LRCH3: variants seen among roughly 807,000 people sequenced by gnomAD.
LRCH3 encodes the protein DISP complex protein LRCH3.
Under a neutral mutation model 104.5 loss-of-function variants are expected in LRCH3, and 68 were observed. The observed-to-expected ratio is 0.65, with a 90% CI of 0.54 to 0.80. LRCH3 has a LOEUF of 0.80. Ranked by LOEUF, LRCH3 falls within the 30% of genes least tolerant of loss-of-function variation. The pLI, the probability that LRCH3 is intolerant of heterozygous loss-of-function variation, is 0.00. For synonymous variants in LRCH3, 344 were observed against 361.3 expected (o/e 0.95, Z 0.54); for missense variants, 951 against 953.9 (o/e 1.00, Z 0.04).
At position 197,854,395 on chromosome 3, in the gene LRCH3, C is replaced by G; in HGVS notation, c.1594C>G (p.Pro532Ala). The change falls in exon 14 of 21, where the codon CCC becomes GCC. Residue 532 changes from proline (P) to alanine (A), a missense_variant. Pro to Ala is a conservative substitution (Grantham distance 27). Transcript: ENST00000425562. The surrounding 1 kb of genome is among the most constrained non-coding windows in gnomAD (Gnocchi z 4.5). ...PLLDGVDGEC[P>A]FPSRRSQHTD... Reference sequence around the variant, plus strand: ...TCATTTTTCTCCATCTCTCCAGTGCCCCTTCCCATCCAGAAGGTCTCAGCA... The same window carrying G: ...TCATTTTTCTCCATCTCTCCAGTGCGCCTTCCCATCCAGAAGGTCTCAGCA... 6.2e-7 allele frequency: 1 copy of G among 1,614,056 alleles called. No individual in the cohort carries two copies. Among genetic ancestry groups the G allele is most frequent in the Non-Finnish European group, 8.5e-7 (1 of 1,179,924 alleles).
chr3:197,861,611 A>G (rs1215848053), intron 15 of LRCH3, among the ~76,000 whole-genome samples: 1 of 152,108 alleles, frequency 6.6e-6, no homozygotes, highest in Non-Finnish European at 1.5e-5. Flanking sequence ...ATTTTAAAAG[A>G]TTTATTCTTT....
intron 3 of LRCH3, among the ~76,000 whole-genome samples, chr3:197,819,645 G>A (rs1370956647): frequency 6.6e-6 from 1 of 152,022 alleles, no homozygotes; most frequent in African/African-American, 2.4e-5. Flanking sequence ...GAACCCGAGA[G>A]ACGGAGGTTA....
rs146743501 is a variant in LRCH3, at chr3:197,883,833, G to T, written c.*167G>T. On this transcript the variant is annotated 3_prime_UTR_variant, in exon 21 of 21. Transcript: ENST00000425562. This position sits in a 1 kb window ranked among gnomAD's most constrained non-coding sequence, Gnocchi z 4.2. ...GCTTCATTTCTCCATTTTAGGGGAG[G>T]TTATTTCCATTTCCATTGAATTTTT... 2.9e-3 allele frequency: 1,915 copies of T among 649,512 alleles called. 10 individuals carry two copies. The highest frequency in any genetic ancestry group is 0.011 in the South Asian group (252 of 22,828). The allele number at this position is 649,512 out of a possible 1,614,324, so 40.2% of individuals were successfully genotyped here.
intron 2 of LRCH3, 41 bp from the exon 3 acceptor site, chr3:197,817,135 G>T: frequency 6.4e-7 from 1 of 1,554,640 alleles, no homozygotes; most frequent in Non-Finnish European, 8.7e-7. Context: ...TTTCTTCAGT[G>T]GTGGACTCTG....
At chr3:197,838,975 C>A (rs1401583143) in intron 9 of LRCH3, among the ~76,000 whole-genome samples, 4 of 152,132 alleles carry the variant, frequency 2.6e-5, no homozygotes, top group African/African-American at 7.2e-5. Flanking sequence ...AATTTCTGTC[C>A]TAAATGGAAG....
At chr3:197,846,528 A>AT (rs1185079300) in intron 10 of LRCH3, among the ~76,000 whole-genome samples, 1 of 150,850 alleles carries the variant, frequency 6.6e-6, no homozygotes, top group Non-Finnish European at 1.5e-5. Flanking sequence ...TAAGACCCTC[A>AT]TTGCCACAGA....
intron 3 of LRCH3, among the ~76,000 whole-genome samples, chr3:197,818,234 ATAT>A (rs1366234615): frequency 6.6e-6 from 1 of 152,160 alleles, no homozygotes; most frequent in African/African-American, 2.4e-5. Context: ...CACCATAATA[ATAT>A]TATGAATTGA....
At chr3:197,846,328 C>T (rs1171355204) in intron 10 of LRCH3, among the ~76,000 whole-genome samples, 2 of 144,610 alleles carry the variant, frequency 1.4e-5, no homozygotes, top group East Asian at 4.1e-4. Context: ...CGCTTGAGGC[C>T]AGGAGGTCGA....
intron 1 of LRCH3, among the ~76,000 whole-genome samples, chr3:197,805,094 G>A (rs1732325889): frequency 2.0e-5 from 3 of 152,108 alleles, no homozygotes; most frequent in Middle Eastern, 3.4e-3. Context: ...GGGTTTCACC[G>A]TGTTGGTCAG....
At chr3:197,871,972 T>A (rs1345527738) in intron 19 of LRCH3, among the ~76,000 whole-genome samples, 1 of 152,152 alleles carries the variant, frequency 6.6e-6, no homozygotes, top group Non-Finnish European at 1.5e-5. Flanking sequence ...ACAAAGGCCT[T>A]ATGAACCGTG....
At chr3:197,812,455 G>A (rs996208079) in intron 1 of LRCH3, among the ~76,000 whole-genome samples, 5 of 136,938 alleles carry the variant, frequency 3.7e-5, no homozygotes, top group African/African-American at 1.4e-4. Context: ...TGTGAATAAT[G>A]CTGATGTAAA....
At chr3:197,881,039 T>C (rs982892159) in intron 20 of LRCH3, 7 of 1,168,440 alleles carry the variant, frequency 6.0e-6, no homozygotes, top group Non-Finnish European at 7.4e-6. Context: ...ACTTCGAATA[T>C]GACATGTAGA....
intron 20 of LRCH3, chr3:197,882,196 C>T (rs1713829793): frequency 1.0e-6 from 1 of 985,408 alleles, no homozygotes; most frequent in Non-Finnish European, 1.2e-6. Context: ...AGTGTGAACA[C>T]CGGCCGCGCA....
chr3:197,859,831 C>T (rs1189918138), intron 15 of LRCH3, among the ~76,000 whole-genome samples: 5 of 151,632 alleles, frequency 3.3e-5, no homozygotes, highest in African/African-American at 9.7e-5. Flanking sequence ...AAAACAATTA[C>T]GATGCCATCC....
At chr3:197,813,509 A>G (rs1447772182) in intron 1 of LRCH3, among the ~76,000 whole-genome samples, 9 of 94,072 alleles carry the variant, frequency 9.6e-5, no homozygotes, top group African/African-American at 3.5e-4. Flanking sequence ...GGAGGCATAT[A>G]ATTTTTTTTT....
intron 20 of LRCH3, among the ~76,000 whole-genome samples, chr3:197,879,345 G>C (rs1560062484): frequency 6.6e-6 from 1 of 152,154 alleles, no homozygotes; most frequent in Non-Finnish European, 1.5e-5. Flanking sequence ...AGCTGGACTT[G>C]GTTAAAATAG....
At chr3:197,801,524 A>G (rs116660263) in intron 1 of LRCH3, among the ~76,000 whole-genome samples, 1,528 of 152,260 alleles carry the variant, frequency 0.01, 23 homozygotes, top group African/African-American at 0.035. Context: ...TTGTTAACTC[A>G]TGTATTTCTC....
chr3:197,857,968 T>G (rs1269585846), intron 14 of LRCH3, among the ~76,000 whole-genome samples: 3 of 152,226 alleles, frequency 2.0e-5, no homozygotes, highest in African/African-American at 7.2e-5. Flanking sequence ...TCTTGTTCAT[T>G]TATCTCATAG....
chr3:197,880,931 T>G, intron 20 of LRCH3: 1 of 1,407,672 alleles, frequency 7.1e-7, no homozygotes. Flanking sequence ...AAGACCAGCA[T>G]TTTTTCTCCT....
Sources: allele counts gnomAD v4.1 joint callset (sites outside exome capture counted in the v4.1 genomes callset), GRCh38; gene constraint gnomAD v4.1.1; non-coding constraint Gnocchi (gnomAD v3.1); transcripts MANE v1.5; gene names NCBI Gene and HGNC (gene_info 2026-07-23, HGNC 2026-07-21).